RGS18: variants seen among roughly 807,000 people sequenced by gnomAD.
The protein encoded by RGS18 is regulator of G protein signaling 18, also known as regulator of G-protein signaling 18.
In RGS18, 22 loss-of-function variants were observed where a neutral mutation model predicts 27.6. The observed-to-expected ratio is 0.80, with a 90% CI of 0.57 to 1.14. The LOEUF is 1.14. RGS18 is among the 50% of genes most tolerant of loss of function. RGS18 has a pLI of 0.00. For synonymous variants in RGS18, 89 were observed against 84.6 expected (o/e 1.05, Z -0.29); for missense variants, 299 against 269.6 (o/e 1.11, Z -0.76).
Position 192,184,487 on chromosome 1 carries a change from G to A in RGS18, c.641G>A (p.Arg214Lys). The part of the protein sequence containing the change: ...GRPQRPTNLR[R>K]RSRSFTCNEF... The stretch of plus-strand genomic sequence containing the variant: ...CCTCAGAGACCAACAAATCTTAGGA[G>A]ACGATCACGCTCATTTACCTGCAAT... Residue 214 changes from arginine to lysine, a missense_variant, in exon 5 of 5, where the codon AGA becomes AAA. Physicochemically the swap from Arg to Lys is conservative, Grantham distance 26. Coordinates refer to ENST00000367460, the MANE Select transcript of RGS18 (RefSeq NM_130782.3). The A allele has an allele frequency of 6.2e-7, 1 of 1,611,532 alleles. No individual in the cohort carries two copies. Among genetic ancestry groups the A allele is most frequent in the Non-Finnish European group, 8.5e-7 (1 of 1,178,384 alleles).
intron 3 of RGS18, among the ~76,000 whole-genome samples, chr1:192,170,818 TC>T (rs935235930): frequency 3.2e-4 from 49 of 152,244 alleles, no homozygotes; most frequent in African/African-American, 1.1e-3. Context: ...ATCATAAGGC[TC>T]CAGGTTTACT....
chr1:192,181,106 C>T (rs1172045015), intron 3 of RGS18, among the ~76,000 whole-genome samples, 186 bp from the exon 4 acceptor site: 2 of 151,526 alleles, frequency 1.3e-5, no homozygotes, highest in Non-Finnish European at 3.0e-5. Flanking sequence ...TAATACTTTC[C>T]TTTTATAGTT....
chr1:192,165,344 A>G (rs1441472886), intron 3 of RGS18, among the ~76,000 whole-genome samples: 1 of 152,140 alleles, frequency 6.6e-6, no homozygotes, highest in Non-Finnish European at 1.5e-5. Flanking sequence ...TGGGACTTGA[A>G]ACTTCATCAG....
At chr1:192,174,639 T>C (rs944058625) in intron 3 of RGS18, among the ~76,000 whole-genome samples, 3 of 151,902 alleles carry the variant, frequency 2.0e-5, no homozygotes, top group Non-Finnish European at 4.4e-5. Flanking sequence ...TAATAATTGG[T>C]CACTTAAAAA....
In RGS18 at chr1:192,181,316, T is replaced by G; in HGVS notation, c.308T>G (p.Phe103Cys). ...HRDGLEAFTR[F>C]LKTEFSEENI... ...GATGGACTAGAGGCTTTTACCAGAT[T>G]TCTTAAAACTGAATTCAGTGAAGAA... The change falls in exon 4 of 5, where the codon TTT becomes TGT. Residue 103 changes from phenylalanine to cysteine, a missense_variant. Physicochemically the swap from Phe to Cys is radical, Grantham distance 205. Coordinates refer to ENST00000367460, the MANE Select transcript of RGS18 (RefSeq NM_130782.3). 2 of 1,543,400 alleles carry G rather than the reference T, an allele frequency of 1.3e-6. No homozygotes were observed. The highest frequency in any genetic ancestry group is 2.5e-5 in the South Asian group (2 of 80,456).
At chr1:192,175,324 A>G (rs61822863) in intron 3 of RGS18, among the ~76,000 whole-genome samples, 1 of 10,212 alleles carries the variant, frequency 9.8e-5, no homozygotes, top group Non-Finnish European at 2.9e-3. Context: ...TTATATCACT[A>G]ATTTTTTTTT....
intron 3 of RGS18, among the ~76,000 whole-genome samples, chr1:192,164,502 A>G (rs1014999490): frequency 2.0e-5 from 3 of 152,100 alleles, no homozygotes; most frequent in African/African-American, 7.2e-5. Context: ...TAACTTTTTT[A>G]AAATTAAAAA....
At chr1:192,172,169 T>A (rs888820574) in intron 3 of RGS18, among the ~76,000 whole-genome samples, 1 of 152,046 alleles carries the variant, frequency 6.6e-6, no homozygotes, top group Non-Finnish European at 1.5e-5. Flanking sequence ...CAGGTTGAAA[T>A]CTGATCCTCA....
chr1:192,185,159 C>T lies in RGS18; in HGVS notation c.*605C>T, dbSNP rs1172084965. ...TGAAGACACATTCATCTCTACAGAA[C>T]TTCAGATTAAATATAATCTAGATTA... On this transcript the variant is annotated 3_prime_UTR_variant, in exon 5 of 5. Coordinates refer to ENST00000367460, the MANE Select transcript of RGS18 (RefSeq NM_130782.3). 1 of 152,014 alleles carries T rather than the reference C, an allele frequency of 6.6e-6. No homozygotes were observed. The highest frequency in any genetic ancestry group is 1.9e-4 in the East Asian group (1 of 5,142). The allele number at this position is 152,014 out of a possible 1,614,324, so 9.4% of individuals were successfully genotyped here.
chr1:192,158,890 A>C lies in RGS18; in HGVS notation c.119+134A>C, dbSNP rs189899294. 1.2e-3 allele frequency: 787 copies of C among 678,474 alleles called. 4 individuals carry two copies. The highest frequency in any genetic ancestry group is 7.4e-4 in the Non-Finnish European group (296 of 400,310). 42.0% of individuals were successfully genotyped at this position (678,474 alleles called of 1,614,324 possible). On this transcript the variant is annotated intron_variant, in intron 1 of 4. Transcript: ENST00000367460. ...TATTGCTATAATTTGGGAAAAAAAA[A>C]CACCTTTTTATTTCTTAGGTTTAAA...
At chr1:192,167,933 CT>C (rs1656189766) in intron 3 of RGS18, 1 of 152,166 alleles carries the variant, frequency 6.6e-6, no homozygotes, top group Non-Finnish European at 1.5e-5. Flanking sequence ...ATTTTCTTGA[CT>C]TTTTGTTTCA....
chr1:192,182,453 A>G (rs895180933), intron 4 of RGS18, among the ~76,000 whole-genome samples: 3 of 151,584 alleles, frequency 2.0e-5, no homozygotes, highest in Non-Finnish European at 4.4e-5. Flanking sequence ...GATGTTGAAC[A>G]TTTTGTCCAA....
intron 2 of RGS18, among the ~76,000 whole-genome samples, chr1:192,159,597 T>A (rs1418117098): frequency 6.6e-6 from 1 of 152,198 alleles, no homozygotes; most frequent in Non-Finnish European, 1.5e-5. Flanking sequence ...TATAACCTGA[T>A]AAAATGCTCA....
chr1:192,171,259 T>C (rs1036779239), intron 3 of RGS18, among the ~76,000 whole-genome samples: 1 of 151,990 alleles, frequency 6.6e-6, no homozygotes. Flanking sequence ...CTAACTGAGC[T>C]AGAGAAAGAA....
chr1:192,179,005 AAGG>A (rs975748356), intron 3 of RGS18, among the ~76,000 whole-genome samples: 15 of 151,578 alleles, frequency 9.9e-5, no homozygotes, highest in African/African-American at 3.6e-4. Flanking sequence ...AGGAAAGAAG[AAGG>A]AAAAGGAGAA....
intron 3 of RGS18, among the ~76,000 whole-genome samples, chr1:192,178,603 C>T (rs1047561111): frequency 6.6e-6 from 1 of 151,428 alleles, no homozygotes; most frequent in Non-Finnish European, 1.5e-5. Flanking sequence ...AAAATGTTCA[C>T]TAACTATAAC....
Position 192,160,444 on chromosome 1 carries a change from G to A in RGS18, c.283+5G>A, listed in dbSNP as rs1407942377. The A allele has an allele frequency of 8.7e-6, 14 of 1,602,348 alleles. No homozygotes were observed. Among genetic ancestry groups the A allele is most frequent in the Non-Finnish European group, 1.2e-5 (14 of 1,169,686 alleles). On this transcript the variant is annotated splice_donor_5th_base_variant and intron_variant, in intron 3 of 4. Transcript: ENST00000367460. ...ACAAACTGCTTTCCCATAGAGGTTA[G>A]TGGTACTTTCACCAAATACTTTGTG...
chr1:192,175,158 G>T (rs999836945), intron 3 of RGS18, among the ~76,000 whole-genome samples: 3 of 151,380 alleles, frequency 2.0e-5, no homozygotes, highest in African/African-American at 7.3e-5. Context: ...TTTAAATTTT[G>T]TCTTAGGTCT....
At chr1:192,171,115 A>G (rs1656247699) in intron 3 of RGS18, among the ~76,000 whole-genome samples, 1 of 152,144 alleles carries the variant, frequency 6.6e-6, no homozygotes, top group Non-Finnish European at 1.5e-5. Flanking sequence ...GAAAACCTAT[A>G]TATTTGTAGG....
Sources: allele counts gnomAD v4.1 joint callset (sites outside exome capture counted in the v4.1 genomes callset), GRCh38; gene constraint gnomAD v4.1.1; transcripts MANE v1.5; gene names NCBI Gene and HGNC (gene_info 2026-07-23, HGNC 2026-07-21).